Variants in CCNYL1 observed in about 807,000 individuals in gnomAD.
CCNYL1 encodes the protein cyclin Y like 1.
A neutral mutation model predicts 44.2 loss-of-function variants in CCNYL1; 16 were observed. That is an observed-to-expected ratio of 0.36 (90% CI 0.25 to 0.55). The LOEUF is 0.55. Among genes scored for constraint, CCNYL1 ranks in the 20% least tolerant of loss-of-function variants. CCNYL1 has a pLI of 0.85. For synonymous variants in CCNYL1, 159 were observed against 163.2 expected, an observed-to-expected ratio of 0.97 and a Z score of 0.20; for missense variants, 348 against 451.8, an observed-to-expected ratio of 0.77 and a Z score of 2.08.
rs550289715 is a variant in CCNYL1 at position 207,748,814 on chromosome 2, C to T, written c.806+1601C>T. Among the ~76,000 whole-genome samples, 11 of 152,260 alleles carry T rather than the reference C, an allele frequency of 7.2e-5. No individual in the cohort carries two copies. In the South Asian group the frequency reaches 1.9e-3, roughly 26 times the overall value. ...TGAAGTTGACCACTTTACTGTTTAC[C>T]GAACAGCCCTAGTGATATTGCTGGT... is the stretch of plus-strand genomic sequence containing the variant. On this transcript the variant is annotated intron_variant, in intron 8 of 9. Coordinates refer to ENST00000295414, the MANE Select transcript of CCNYL1 (RefSeq NM_001330218.2).
chr2:207,734,150 CA>C (rs1264306425), intron 4 of CCNYL1, 103 bp downstream of exon 4: 4 of 650,920 alleles, frequency 6.1e-6, no homozygotes, highest in Non-Finnish European at 1.1e-5. Flanking sequence ...TCCTTTTCAG[CA>C]ATGAGTTTAA....
intron 1 of CCNYL1, among the ~76,000 whole-genome samples, chr2:207,717,428 G>A (rs7582570): frequency 0.16 from 23,657 of 152,166 alleles, 3,047 homozygotes; most frequent in East Asian, 0.39. Flanking sequence ...ATTTAGGGCA[G>A]ACAGTGGTAT....
chr2:207,728,720 A>G (rs1382636005), intron 3 of CCNYL1, among the ~76,000 whole-genome samples: 2 of 152,206 alleles, frequency 1.3e-5, no homozygotes, highest in Non-Finnish European at 2.9e-5. Context: ...CAGTTTTTAC[A>G]TGTCTCCGGA....
intron 6 of CCNYL1, among the ~76,000 whole-genome samples, chr2:207,742,006 C>T (rs992777339): frequency 1.3e-5 from 2 of 151,560 alleles, no homozygotes; most frequent in African/African-American, 4.9e-5. Flanking sequence ...CAAAAACTAG[C>T]TGGGCGTGGT....
Position 207,740,678 on chromosome 2 carries a change from T to C in CCNYL1, c.491T>C (p.Ile164Thr). 2 of 1,602,080 alleles carry C rather than the reference T, an allele frequency of 1.2e-6. No homozygotes were observed. Among genetic ancestry groups the C allele is most frequent in the Non-Finnish European group, 8.5e-7 (1 of 1,169,814 alleles). ...AGAGATGCAAATAGATCCCTGGATA[T>C]TTTTGATGAGAGATCACATCCACTT... is the stretch of plus-strand genomic sequence containing the variant. ...KNRDANRSLD[I>T]FDERSHPLTR... The change falls in exon 6 of 10, where the codon ATT becomes ACT. Residue 164 changes from isoleucine to threonine, a missense_variant. Coordinates refer to ENST00000295414, the MANE Select transcript of CCNYL1 (RefSeq NM_001330218.2).
At chr2:207,731,501 G>A (rs914636788) in intron 3 of CCNYL1, among the ~76,000 whole-genome samples, 1 of 151,926 alleles carries the variant, frequency 6.6e-6, no homozygotes, top group Non-Finnish European at 1.5e-5. Flanking sequence ...TTTCAGTAGT[G>A]TTTTGTTGTT....
At chr2:207,719,667 T>C (rs750739304) in intron 1 of CCNYL1, among the ~76,000 whole-genome samples, 1 of 152,210 alleles carries the variant, frequency 6.6e-6, no homozygotes, top group Non-Finnish European at 1.5e-5. Flanking sequence ...ATAAGAATTA[T>C]ACTTGTTTTA....
intron 7 of CCNYL1, among the ~76,000 whole-genome samples, chr2:207,744,311 T>C (rs967548199): frequency 2.0e-5 from 3 of 150,542 alleles, no homozygotes; most frequent in African/African-American, 7.3e-5. Flanking sequence ...GTGGAGGAGG[T>C]TGAGGTCACA....
At chr2:207,739,755 G>T (rs938541214) in intron 5 of CCNYL1, among the ~76,000 whole-genome samples, 2 of 152,134 alleles carry the variant, frequency 1.3e-5, no homozygotes, top group Admixed American at 6.5e-5. Context: ...CTTCAGCAAG[G>T]ATATTCATGA....
chr2:207,711,743 G>C lies in CCNYL1; in HGVS notation c.-154G>C, dbSNP rs1005097708. 1.1e-5 allele frequency: 4 copies of C among 367,258 alleles called. No homozygotes were observed. The highest frequency in any genetic ancestry group is 8.6e-5 in the African/African-American group (4 of 46,612). 22.7% of individuals were successfully genotyped at this position (367,258 alleles called of 1,614,324 possible). A position where few individuals can be genotyped will look rare whatever the true frequency, so the allele number is the denominator to read the frequency against. ...GGGCCGCGGGGCGGGCGGGCGAACC[G>C]CGGGCGAGGCGGCGTCTGCTTGCGC... On this transcript the variant is annotated 5_prime_UTR_variant, in exon 1 of 10. Coordinates refer to ENST00000295414, the MANE Select transcript of CCNYL1 (RefSeq NM_001330218.2).
intron 1 of CCNYL1, among the ~76,000 whole-genome samples, chr2:207,723,926 T>C (rs1212028438): frequency 6.6e-6 from 1 of 151,912 alleles, no homozygotes; most frequent in East Asian, 1.9e-4. Context: ...TAGATTTTTA[T>C]TTTTTCCCCT....
At chr2:207,746,921 G>A (rs2091858646) in intron 7 of CCNYL1, 126 bp from the exon 8 acceptor site, 2 of 688,146 alleles carry the variant, frequency 2.9e-6, no homozygotes, top group African/African-American at 3.6e-5. Context: ...GGTTCTGTGA[G>A]CCGAGATCGC....
chr2:207,729,882 A>ATT (rs77714154), intron 3 of CCNYL1, among the ~76,000 whole-genome samples: 1 of 146,200 alleles, frequency 6.8e-6, no homozygotes, highest in African/African-American at 2.5e-5. Flanking sequence ...CGCCTGGCTA[A>ATT]TTTTTTTTTT....
At chr2:207,721,858 G>A (rs1045386690) in intron 1 of CCNYL1, among the ~76,000 whole-genome samples, 23 of 149,510 alleles carry the variant, frequency 1.5e-4, no homozygotes, top group African/African-American at 5.4e-4. Flanking sequence ...CCTCAGCCTC[G>A]GTGGCAGCTC....
rs74419960 is a variant in CCNYL1, at chr2:207,743,598, G to GA, written c.639+1259dup. Among the ~76,000 whole-genome samples the GA allele has an allele frequency of 9.9e-5, 15 of 152,158 alleles. No homozygotes were observed. The East Asian group carries it at 2.9e-3, about 29-fold the overall frequency. ...GACCCCCATCTCTAAAAAAAGAAAAGAAAGTGGATAGAAGATAGATCTCTA... is the reference window on the plus strand; with the variant it reads ...GACCCCCATCTCTAAAAAAAGAAAAGAAAAGTGGATAGAAGATAGATCTCTA... On this transcript the variant is annotated intron_variant, in intron 7 of 9. Transcript: ENST00000295414.
At chr2:207,727,938 C>T (rs2091692713) in intron 3 of CCNYL1, among the ~76,000 whole-genome samples, 1 of 151,864 alleles carries the variant, frequency 6.6e-6, no homozygotes. Flanking sequence ...TGTCTGAAAA[C>T]CTCCCCTATT....
At chr2:207,745,511 T>C (rs1454750379) in intron 7 of CCNYL1, among the ~76,000 whole-genome samples, 5 of 152,136 alleles carry the variant, frequency 3.3e-5, no homozygotes, top group African/African-American at 4.8e-5. Context: ...AGTGCAGAAT[T>C]TGGGGGAAAG....
intron 4 of CCNYL1, among the ~76,000 whole-genome samples, chr2:207,735,874 C>T (rs1183874810): frequency 6.6e-6 from 1 of 151,148 alleles, no homozygotes; most frequent in Admixed American, 6.6e-5. Context: ...AAAAAAAAAA[C>T]AAAACAAAAC....
chr2:207,748,074 C>T (rs1199450837), intron 8 of CCNYL1, among the ~76,000 whole-genome samples: 1 of 152,188 alleles, frequency 6.6e-6, no homozygotes, highest in East Asian at 1.9e-4. Flanking sequence ...CTGAGTCACA[C>T]ATTGTATATT....
Sources: gnomAD v4.1 joint callset for allele counts (sites outside exome capture counted in the v4.1 genomes callset) on GRCh38, gnomAD v4.1.1 for gene constraint, MANE v1.5 for transcripts, NCBI Gene and HGNC (gene_info 2026-07-23, HGNC 2026-07-21) for gene names.